Variants in RHPN2 observed in about 807,000 individuals in gnomAD.
RHPN2 encodes the protein rhophilin-2.
A neutral mutation model predicts 79.0 loss-of-function variants in RHPN2; 40 were observed. The observed-to-expected ratio is 0.51, with a 90% CI of 0.39 to 0.66. RHPN2 has a LOEUF of 0.66. RHPN2 is among the 30% of genes least tolerant of loss of function. The pLI, the probability that RHPN2 is intolerant of heterozygous loss-of-function variation, is 0.00. For missense variants in RHPN2, 686 were observed against 883.5 expected (o/e 0.78, Z 2.83); for synonymous variants, 285 against 363.5 (o/e 0.78, Z 2.46).
intron 3 of RHPN2, among the ~76,000 whole-genome samples, chr19:33,023,259 A>T (rs1172127342): frequency 6.6e-6 from 1 of 151,520 alleles, no homozygotes; most frequent in African/African-American, 2.4e-5. Context: ...ACATGGTAAA[A>T]CCCCGTCTCT....
In RHPN2 at chr19:32,995,075, T is replaced by C. The variant is rs1971689968; in HGVS notation, c.1420+951A>G. ...TGGGATACCGTGCTTTCTGTTTTCA[T>C]CATTATTACTATTTTGAGACAGGGT... On this transcript the variant is annotated intron_variant, in intron 11 of 14. Transcript: ENST00000254260. Among the ~76,000 whole-genome samples the C allele has an allele frequency of 2.6e-5, 4 of 152,256 alleles. No individual in the cohort carries two copies. In the South Asian group the frequency reaches 8.3e-4, roughly 32 times the overall value.
At chr19:33,015,344 G>A (rs8111825) in intron 4 of RHPN2, among the ~76,000 whole-genome samples, 16,613 of 151,794 alleles carry the variant, frequency 0.11, 194 homozygotes, top group African/African-American at 0.16. Flanking sequence ...AGAATAGCTT[G>A]AGCCCAGGAG....
chr19:33,007,935 G>C, intron 7 of RHPN2, 79 bp downstream of exon 7: 1 of 1,494,054 alleles, frequency 6.7e-7, no homozygotes, highest in Non-Finnish European at 9.3e-7. Context: ...ATGACCTGTA[G>C]ATTCTCTTCA....
intron 9 of RHPN2, 110 bp downstream of exon 9, chr19:33,002,137 A>G: frequency 2.2e-6 from 3 of 1,345,940 alleles, no homozygotes; most frequent in Non-Finnish European, 3.1e-6. Flanking sequence ...CTCTGCCTTC[A>G]GCCTGTGAGC....
At position 33,062,716 on chromosome 19, in the gene RHPN2, C is replaced by T. The variant is rs182012605; in HGVS notation, c.69+2068G>A. Among the ~76,000 whole-genome samples, 39 of 150,632 alleles carry T rather than the reference C, an allele frequency of 2.6e-4. No homozygotes were observed. The East Asian group carries it at 7.2e-3, about 28-fold the overall frequency. The stretch of plus-strand genomic sequence containing the variant: ...CCCGGAGGCAGAGGTTGCAGTGAGC[C>T]GAAATCACACCACTGCACTCCAGCC... On this transcript the variant is annotated intron_variant, in intron 1 of 14. Transcript: ENST00000254260.
chr19:32,984,839 G>A (rs1231221680), intron 14 of RHPN2, among the ~76,000 whole-genome samples: 1 of 152,104 alleles, frequency 6.6e-6, no homozygotes, highest in Non-Finnish European at 1.5e-5. Flanking sequence ...CTGGTGCAGT[G>A]GCTCATTCCT....
At chr19:32,984,122 T>C (rs2145998103) in intron 14 of RHPN2, among the ~76,000 whole-genome samples, 1 of 152,216 alleles carries the variant, frequency 6.6e-6, no homozygotes, top group Admixed American at 6.5e-5. Flanking sequence ...TGAACGGCAG[T>C]CAGGGCCTAA....
intron 1 of RHPN2, among the ~76,000 whole-genome samples, chr19:33,063,758 G>GCACAAGTCCGTAGTGTGA: frequency 6.6e-6 from 1 of 151,204 alleles, no homozygotes; most frequent in Non-Finnish European, 1.5e-5. Flanking sequence ...TTATCTTCTG[G>GCACAAGTCCGTAGTGTGA]GCCCAAGAGC....
chr19:33,046,824 C>T (rs761103268), intron 1 of RHPN2, among the ~76,000 whole-genome samples: 1 of 151,754 alleles, frequency 6.6e-6, no homozygotes, highest in South Asian at 2.1e-4. Flanking sequence ...AACTGTATAT[C>T]TTCTTCGAAG....
chr19:33,059,484 G>A (rs538878104), intron 1 of RHPN2, among the ~76,000 whole-genome samples: 10 of 151,750 alleles, frequency 6.6e-5, no homozygotes, highest in Non-Finnish European at 1.5e-4. Flanking sequence ...ATTTTTAGTA[G>A]AGACAGGGTT....
At chr19:32,995,978 C>T (rs1971697109) in intron 11 of RHPN2, 48 bp downstream of exon 11, 2 of 1,601,182 alleles carry the variant, frequency 1.2e-6, no homozygotes, top group Non-Finnish European at 1.7e-6. Flanking sequence ...CGTACTCTTT[C>T]CGCGGCACAG....
intron 1 of RHPN2, among the ~76,000 whole-genome samples, chr19:33,045,286 A>G (rs570421588): frequency 1.3e-5 from 2 of 151,888 alleles, no homozygotes; most frequent in Non-Finnish European, 2.9e-5. Context: ...TCTTGACTTC[A>G]AGTGATCCAC....
chr19:33,038,322 CT>C (rs59579962), intron 2 of RHPN2, among the ~76,000 whole-genome samples: 3,452 of 150,276 alleles, frequency 0.023, 130 homozygotes, highest in African/African-American at 0.08. Flanking sequence ...AAAAATTAGC[CT>C]ACTATGGTGG....
At chr19:33,025,815 T>C (rs1366419484) in intron 3 of RHPN2, among the ~76,000 whole-genome samples, 1 of 152,224 alleles carries the variant, frequency 6.6e-6, no homozygotes, top group Non-Finnish European at 1.5e-5. Context: ...TTGCTTAATG[T>C]CTGTTCAGTT....
rs1971857385 is a variant in RHPN2 at position 33,013,868 on chromosome 19, T to TTTTAC, written c.391-1145_391-1144insGTAAA. On this transcript the variant is annotated intron_variant, in intron 4 of 14. Coordinates refer to ENST00000254260, the MANE Select transcript of RHPN2 (RefSeq NM_033103.5). Reference sequence around the variant, plus strand: ...AGGCATTTTATTTTATTTTACTTTATTTTATTTTATTTTATTTTATCTTTG... The same window carrying TTTTAC: ...AGGCATTTTATTTTATTTTACTTTATTTTACTTTATTTTATTTTATTTTATCTTTG... Among the ~76,000 whole-genome samples the TTTTAC allele has an allele frequency of 5.2e-5, 3 of 58,008 alleles. No homozygotes were observed. The African/African-American group carries it at 5.4e-4, about 10-fold the overall frequency. 38.1% of individuals were successfully genotyped at this position (58,008 alleles called of 152,430 possible).
intron 10 of RHPN2, 24 bp downstream of exon 10, chr19:32,999,562 A>C: frequency 6.2e-7 from 1 of 1,604,906 alleles, no homozygotes; most frequent in Non-Finnish European, 8.5e-7. Context: ...TGGGGCCCAC[A>C]TCTGGGTGCA....
In RHPN2 at chr19:32,978,987, A is replaced by C. The variant is rs562814409; in HGVS notation, c.*1009T>G. On this transcript the variant is annotated 3_prime_UTR_variant, in exon 15 of 15. Transcript: ENST00000254260. ...ACATGGTGAAACCTCACCTCAACTA[A>C]AAATACAAAAATCAGCCAGGCATGC... 1.7e-4 allele frequency: 26 copies of C among 152,256 alleles called. No individual in the cohort carries two copies. The highest frequency in any genetic ancestry group is 6.3e-4 in the African/African-American group (26 of 41,550). 9.4% of individuals were successfully genotyped at this position (152,256 alleles called of 1,614,324 possible). A position where few individuals can be genotyped will look rare whatever the true frequency, so the allele number is the denominator to read the frequency against.
At chr19:32,999,317 C>T (rs1156906662) in intron 10 of RHPN2, among the ~76,000 whole-genome samples, 1 of 152,132 alleles carries the variant, frequency 6.6e-6, no homozygotes, top group Non-Finnish European at 1.5e-5. Flanking sequence ...TAGCGTGACA[C>T]ATGCCACCCT....
In RHPN2 at chr19:33,023,784, C is replaced by CAAA. The variant is rs61273503; in HGVS notation, c.315-2141_315-2139dup. Among the ~76,000 whole-genome samples, 15 of 110,580 alleles carry CAAA rather than the reference C, an allele frequency of 1.4e-4. 1 individual carries two copies. The highest frequency in any genetic ancestry group is 4.6e-4 in the African/African-American group (15 of 32,738). 72.5% of individuals were successfully genotyped at this position (110,580 alleles called of 152,430 possible). On this transcript the variant is annotated intron_variant, in intron 3 of 14. Transcript: ENST00000254260. The stretch of plus-strand genomic sequence containing the variant: ...TGGGCGACACAGTGAGACTCCATCT[C>CAAA]AAAAAAAAAAAAAAAGAAAAAAAAG...
Sources: gnomAD v4.1 joint callset for allele counts (sites outside exome capture counted in the v4.1 genomes callset) on GRCh38, gnomAD v4.1.1 for gene constraint, MANE v1.5 for transcripts, NCBI Gene and HGNC (gene_info 2026-07-23, HGNC 2026-07-21) for gene names.